The following OBSL1 variants were observed in gnomAD, a reference collection of about 807,000 sequenced individuals.
OBSL1 encodes the protein obscurin like cytoskeletal adaptor 1, also known as obscurin-like protein 1.
A neutral mutation model predicts 172.0 loss-of-function variants in OBSL1; 160 were observed. The observed-to-expected ratio is 0.93, with a 90% CI of 0.82 to 1.06. OBSL1 has a LOEUF of 1.06. Ranked by LOEUF, OBSL1 falls within the 50% of genes least tolerant of loss-of-function variation. The pLI is 0.00. For synonymous variants in OBSL1, 1,200 were observed against 1,196.3 expected (o/e 1.00, Z -0.06); for missense variants, 2,681 against 2,715.4 (o/e 0.99, Z 0.28).
Position 219,558,238 on chromosome 2 carries a change from C to A in OBSL1, c.3448G>T (p.Glu1150Ter). The change falls in exon 10 of 21, where the codon GAG (glutamate) becomes TAG (stop). Residue 1150 changes from glutamate to a stop codon, truncating the protein, a stop_gained. Coordinates refer to ENST00000404537, the MANE Select transcript of OBSL1 (RefSeq NM_015311.3). LOFTEE classifies it high-confidence loss of function. ...TCATGCCGGGTCTCACACACATACTCCCCGGCGTCCTCAGGCTGGGCGTGG... is the reference window on the plus strand; with the variant it reads ...TCATGCCGGGTCTCACACACATACTACCCGGCGTCCTCAGGCTGGGCGTGG... ...LPHAQPEDAG[E>*]YVCETRHEAI... The A allele has an allele frequency of 6.2e-7, 1 of 1,610,550 alleles. No individual in the cohort carries two copies. Among genetic ancestry groups the A allele is most frequent in the East Asian group, 2.2e-5 (1 of 44,764 alleles).
At chr2:219,562,725 C>G in intron 7 of OBSL1, 51 bp from the exon 8 acceptor site, 1 of 1,497,540 alleles carries the variant, frequency 6.7e-7, no homozygotes, top group Non-Finnish European at 8.9e-7. Context: ...GCCCTGCCGT[C>G]CTCCCTGACC....
In OBSL1 at chr2:219,566,952, C is replaced by T. The variant is rs147793515; in HGVS notation, c.2012G>A (p.Arg671His). The change falls in exon 5 of 21, where the codon CGT becomes CAT. Residue 671 changes from arginine (R) to histidine (H), a missense_variant. Arg to His is a conservative substitution (Grantham distance 29, BLOSUM62 0). Transcript: ENST00000404537. Reference sequence around the variant, plus strand: ...GTGCTGCAGACCCTTCTGCTCTATACGGTACCGCAGGGCCCCAGGTTCCAC... The same window carrying T: ...GTGCTGCAGACCCTTCTGCTCTATATGGTACCGCAGGGCCCCAGGTTCCAC... ...GQVEPGALRY[R>H]IEQKGLQHRL... 555 of 1,613,806 alleles carry T rather than the reference C, an allele frequency of 3.4e-4. 2 individuals carry two copies. In the East Asian group the frequency reaches 8.8e-3, roughly 26 times the overall value.
At chr2:219,559,732 T>G in intron 8 of OBSL1, 2 of 505,132 alleles carry the variant, frequency 4.0e-6, no homozygotes, top group South Asian at 3.5e-5. Context: ...TCACATACCT[T>G]CCTCAGCCCC....
rs1008743840 is a variant in OBSL1 at position 219,552,373 on chromosome 2, G to C, written c.5309-157C>G. ...TGCGGAGCGGGAAGCCTAGAGGTCC[G>C]GGACTAGGGGCTGGGGGCGGGGGAA... On this transcript the variant is annotated intron_variant, in intron 18 of 20. Coordinates refer to ENST00000404537, the MANE Select transcript of OBSL1 (RefSeq NM_015311.3). 4 of 866,846 alleles carry C rather than the reference G, an allele frequency of 4.6e-6. No individual in the cohort carries two copies. The African/African-American group carries it at 5.1e-5, about 11-fold the overall frequency. The allele number at this position is 866,846 out of a possible 1,614,324, so 53.7% of individuals were successfully genotyped here.
At chr2:219,561,768 C>G in intron 8 of OBSL1, 1 of 676,142 alleles carries the variant, frequency 1.5e-6, no homozygotes, top group Non-Finnish European at 2.7e-6. Context: ...GTCGCAAACT[C>G]AAATGCCCAC....
At chr2:219,562,980 G>A in intron 7 of OBSL1, 1 of 499,078 alleles carries the variant, frequency 2.0e-6, no homozygotes, top group Non-Finnish European at 3.6e-6. Flanking sequence ...TGGAACTGAT[G>A]AGAGGAGGGT....
At position 219,550,784 on chromosome 2, in the gene OBSL1, AAAC is replaced by A; in HGVS notation, c.*48_*50del. 6.2e-7 allele frequency: 1 copy of A among 1,601,234 alleles called. No homozygotes were observed. The highest frequency in any genetic ancestry group is 1.1e-5 in the South Asian group (1 of 88,810). ...CTCTACCCCTGCCCAGGGTAAGGGCAAACGCCTTCCAAGCTGTCCAAGGGCACC... is the reference window on the plus strand; with the variant it reads ...CTCTACCCCTGCCCAGGGTAAGGGCAGCCTTCCAAGCTGTCCAAGGGCACC... On this transcript the variant is annotated 3_prime_UTR_variant, in exon 21 of 21. Transcript: ENST00000404537.
rs367655632 is a variant in OBSL1, at chr2:219,559,486, G to A, written c.2965C>T (p.Arg989Trp). 61 of 1,608,700 alleles carry A rather than the reference G, an allele frequency of 3.8e-5. No individual in the cohort carries two copies. The Admixed American group carries it at 5.7e-4, about 15-fold the overall frequency. The change falls in exon 9 of 21, where the codon CGG becomes TGG. Residue 989 changes from arginine (R) to tryptophan (W), a missense_variant. By Grantham distance (101) the Arg-to-Trp change is moderately radical. Around this residue, in one of 5 missense-constraint regions of OBSL1, gnomAD observed 1,765 missense variants for 1,748.3 expected, o/e 1.01. Transcript: ENST00000404537. The stretch of plus-strand genomic sequence containing the variant: ...ACCTCATCGCGAGGGTATATGATCC[G>A]CACTGGGGGTTCTGCAGGGTGGGGA... The part of the protein sequence containing the change: ...FTVTVTEPPV[R>W]IIYPRDEVTL...
In OBSL1 at chr2:219,563,623, A is replaced by T; in HGVS notation, c.2412T>A (p.Pro804=). The change falls in exon 7 of 21, where the codon CCT becomes CCA. Residue 804 remains proline (P), a synonymous_variant. Coordinates refer to ENST00000404537, the MANE Select transcript of OBSL1 (RefSeq NM_015311.3). ...SAFFGVTVQD[P]PVHIVDPREH... ...CTCGGGGGTCCACGATGTGCACGGG[A>T]GGATCTGGGTGGGAAGCAGAGATGG... 2.5e-6 allele frequency: 4 copies of T among 1,610,886 alleles called. No homozygotes were observed. The highest frequency in any genetic ancestry group is 3.4e-6 in the Non-Finnish European group (4 of 1,177,708).
At position 219,563,379 on chromosome 2, in the gene OBSL1, C is replaced by A; in HGVS notation, c.2656G>T (p.Ala886Ser). Residue 886 changes from alanine to serine, a missense_variant, in exon 7 of 21, where the codon GCC becomes TCC. Physicochemically the swap from Ala to Ser is moderately conservative, Grantham distance 99. Around this residue, in one of 5 missense-constraint regions of OBSL1, gnomAD observed 1,765 missense variants for 1,748.3 expected, o/e 1.01. Coordinates refer to ENST00000404537, the MANE Select transcript of OBSL1 (RefSeq NM_015311.3). ...EFQCVAGDEC[A>S]YFTVTITDVS... Reference sequence around the variant, plus strand: ...CCTGTGATGGTGACAGTGAAGTAGGCACACTCATCTCCAGCGACGCACTGA... The same window carrying A: ...CCTGTGATGGTGACAGTGAAGTAGGAACACTCATCTCCAGCGACGCACTGA... The A allele has an allele frequency of 6.3e-7, 1 of 1,592,982 alleles. No individual in the cohort carries two copies. The highest frequency in any genetic ancestry group is 8.6e-7 in the Non-Finnish European group (1 of 1,167,606).
chr2:219,569,091 AAAG>A (rs1345090243), intron 1 of OBSL1: 2 of 151,740 alleles, frequency 1.3e-5, no homozygotes, highest in Non-Finnish European at 1.5e-5. Flanking sequence ...AAAAAAAAGA[AAAG>A]AAAAGAAAAC....
Position 219,562,521 on chromosome 2 carries a change from AG to A in OBSL1, c.2833del (p.Leu945SerfsTer53). 1 of 1,613,996 alleles carries A rather than the reference AG, an allele frequency of 6.2e-7. No homozygotes were observed. The highest frequency in any genetic ancestry group is 8.5e-7 in the Non-Finnish European group (1 of 1,179,892). On this transcript the variant is annotated frameshift_variant, in exon 8 of 21. Coordinates refer to ENST00000404537, the MANE Select transcript of OBSL1 (RefSeq NM_015311.3). LOFTEE classifies it high-confidence loss of function. ...GEEVVESPAL[L>X]LQKEDTVRRL... ...GCGGACAGTGTCTTCCTTCTGCAGG[AG>A]CAGCGCGGGGCTCTCCACCACCTCC...
downstream of OBSL1, chr2:219,547,419 G>A: frequency 9.2e-7 from 1 of 1,089,644 alleles, no homozygotes; most frequent in Non-Finnish European, 1.2e-6. Context: ...GGTTCCCCTG[G>A]GATCCCATGT....
chr2:219,556,882 G>T, intron 12 of OBSL1, 159 bp from the exon 13 acceptor site: 1 of 754,180 alleles, frequency 1.3e-6, no homozygotes, highest in Non-Finnish European at 2.1e-6. Flanking sequence ...AGGACAAGAT[G>T]CCAGCTCCCT....
downstream of OBSL1, chr2:219,547,916 G>A (rs1479279477): frequency 4.4e-6 from 7 of 1,596,208 alleles, no homozygotes; most frequent in Non-Finnish European, 4.2e-6. Flanking sequence ...CTACTTCGCC[G>A]AGCTGCTACT....
rs1302748645 is a variant in OBSL1, at chr2:219,552,887, C to G, written c.5127G>C (p.Pro1709=). The part of the protein sequence containing the change: ...SCAVGTARAG[P]VRLTVRERTV... ...ACCCACCGCGCACGGTCAGGCGGAC[C>G]GGTCCGGCGCGGGCCGTCCCCACCG... The change falls in exon 17 of 21, where the codon CCG becomes CCC. Residue 1709 remains proline (P), a synonymous_variant. Transcript: ENST00000404537. The G allele has an allele frequency of 6.5e-7, 1 of 1,541,204 alleles. No individual in the cohort carries two copies. The highest frequency in any genetic ancestry group is 8.7e-7 in the Non-Finnish European group (1 of 1,145,240).
Position 219,551,380 on chromosome 2 carries a change from C to G in OBSL1, c.5683+149G>C, listed in dbSNP as rs926473254. On this transcript the variant is annotated intron_variant, in intron 20 of 20. Transcript: ENST00000404537. ...AGGGCTTTCCAGCCCTGGGTGTGCT[C>G]TACCCCTCCCCTCCCCCATCCCCAC... is the stretch of plus-strand genomic sequence containing the variant. 9 of 1,373,572 alleles carry G rather than the reference C, an allele frequency of 6.6e-6. No individual in the cohort carries two copies. The African/African-American group carries it at 7.3e-5, about 11-fold the overall frequency. The allele number at this position is 1,373,572 out of a possible 1,614,324, so 85.1% of individuals were successfully genotyped here.
Position 219,565,508 on chromosome 2 carries a change from G to A in OBSL1, c.2141C>T (p.Pro714Leu), listed in dbSNP as rs768410471. ...DSAALTIQES[P>L]VHILSPQDRV... ...GTCCTGGGGGCTCAGGATGTGCACC[G>A]GGCTCTCTGTGTGGGGAGAAGTACA... is the stretch of plus-strand genomic sequence containing the variant. Residue 714 changes from proline to leucine, a missense_variant, in exon 6 of 21, where the codon CCG becomes CTG. By Grantham distance (98) the Pro-to-Leu change is moderately conservative (BLOSUM62 -3). Coordinates refer to ENST00000404537, the MANE Select transcript of OBSL1 (RefSeq NM_015311.3). The A allele has an allele frequency of 7.5e-6, 12 of 1,606,204 alleles. No homozygotes were observed. Among genetic ancestry groups the A allele is most frequent in the South Asian group, 3.3e-5 (3 of 91,080 alleles).
At position 219,567,072 on chromosome 2, in the gene OBSL1, TC is replaced by T. The variant is rs781014058; in HGVS notation, c.1891del (p.Glu631LysfsTer42). 1 of 1,613,240 alleles carries T rather than the reference TC, an allele frequency of 6.2e-7. No individual in the cohort carries two copies. The stretch of plus-strand genomic sequence containing the variant: ...GAGATCGAGGGAGAAGACGGCATCT[TC>T]CCCGTCGTATACCTGCACATCCTCC... ...GLEDVQVYDGEDAVFSLDLST... is the reference protein window; with the variant it reads ...GLEDVQVYDGXDAVFSLDLST... On this transcript the variant is annotated frameshift_variant, in exon 5 of 21. Transcript: ENST00000404537. LOFTEE classifies it high-confidence loss of function.
Sources: gnomAD v4.1 joint callset for allele counts on GRCh38, gnomAD v4.1.1 for gene constraint, gnomAD v4.1.1 regional missense constraint, MANE v1.5 for transcripts, NCBI Gene and HGNC (gene_info 2026-07-23, HGNC 2026-07-21) for gene names.